The following PTPRG variants were observed in gnomAD, a reference collection of about 807,000 sequenced individuals.
PTPRG encodes the protein receptor-type tyrosine-protein phosphatase gamma.
PTPRG carries 102 observed loss-of-function variants against 165.3 expected under a neutral mutation model. The ratio of observed to expected loss-of-function variants is 0.62; its 90% CI spans 0.53 to 0.73. The LOEUF (loss-of-function observed/expected upper bound fraction) is 0.73, where lower values mean the gene tolerates loss of function less well. PTPRG is among the 30% of genes least tolerant of loss of function. The pLI, the probability that PTPRG is intolerant of heterozygous loss-of-function variation, is 0.00. For missense variants in PTPRG, 1,866 were observed against 1,861.4 expected (o/e 1.00, Z -0.05); for synonymous variants, 675 against 669.5 (o/e 1.01, Z -0.13).
rs758662228 is a variant in PTPRG, at chr3:62,201,532, C to T, written c.1355C>T (p.Thr452Ile). 6.2e-7 allele frequency: 1 copy of T among 1,610,690 alleles called. No individual in the cohort carries two copies. Among genetic ancestry groups the T allele is most frequent in the South Asian group, 1.1e-5 (1 of 90,290 alleles). Residue 452 changes from threonine (T) to isoleucine (I), a missense_variant, in exon 11 of 30, where the codon ACC (threonine) becomes ATC (isoleucine). Around this residue, in one of 3 missense-constraint regions of PTPRG, gnomAD observed 1,452 missense variants for 1,463.0 expected, o/e 0.99. Transcript: ENST00000474889. ...QANTTRIFQG[T>I]RIVKTGVPTA... ...AATACCACTCGAATATTCCAAGGGA[C>T]CAGAATAGTGAAAACAGGAGTGGTA...
chr3:61,588,699 A>C (rs770713192), intron 1 of PTPRG, among the ~76,000 whole-genome samples: 11 of 151,382 alleles, frequency 7.3e-5, no homozygotes, highest in Non-Finnish European at 1.0e-4. Context: ...GCCTGCCTTG[A>C]CCTCCCAAAG....
At chr3:62,073,835 A>C (rs1701288619) in intron 4 of PTPRG, among the ~76,000 whole-genome samples, 1 of 152,202 alleles carries the variant, frequency 6.6e-6, no homozygotes, top group African/African-American at 2.4e-5. Context: ...CTGTCAGAGT[A>C]AAGAAAGAGG....
At chr3:61,801,121 A>C (rs890280709) in intron 2 of PTPRG, among the ~76,000 whole-genome samples, 3 of 152,120 alleles carry the variant, frequency 2.0e-5, no homozygotes, top group African/African-American at 7.2e-5. Flanking sequence ...TCTGCAAAAC[A>C]GATGCACTGG....
chr3:61,950,491 A>G (rs1355686878), intron 2 of PTPRG, among the ~76,000 whole-genome samples: 1 of 152,180 alleles, frequency 6.6e-6, no homozygotes, highest in Non-Finnish European at 1.5e-5. Flanking sequence ...CAGAGGGTTA[A>G]TTGTTCTTGG....
At chr3:61,747,092 C>T (rs546736744) in intron 1 of PTPRG, among the ~76,000 whole-genome samples, 5 of 150,884 alleles carry the variant, frequency 3.3e-5, no homozygotes, top group Non-Finnish European at 7.4e-5. Flanking sequence ...TACTGCACTC[C>T]AGCCTGTTCG....
rs542195002 is a variant in PTPRG, at chr3:61,773,110, T to C, written c.190+24128T>C. Reference sequence around the variant, plus strand: ...ATGCAGGTGTCTATCTTAGGAAATATGTGTGTTATCGGCTGGTGTAGGGTA... The same window carrying C: ...ATGCAGGTGTCTATCTTAGGAAATACGTGTGTTATCGGCTGGTGTAGGGTA... On this transcript the variant is annotated intron_variant, in intron 2 of 29. Coordinates refer to ENST00000474889, the MANE Select transcript of PTPRG (RefSeq NM_002841.4). Among the ~76,000 whole-genome samples, 5 of 152,296 alleles carry C rather than the reference T, an allele frequency of 3.3e-5. No homozygotes were observed. The South Asian group carries it at 8.3e-4, about 25-fold the overall frequency.
chr3:61,649,751 T>G (rs999968731), intron 1 of PTPRG, among the ~76,000 whole-genome samples: 6 of 152,318 alleles, frequency 3.9e-5, no homozygotes, highest in African/African-American at 1.4e-4. Flanking sequence ...CATTGGCTCC[T>G]CTTAGAAATA....
At chr3:61,969,319 G>A (rs991576846) in intron 2 of PTPRG, among the ~76,000 whole-genome samples, 3 of 152,140 alleles carry the variant, frequency 2.0e-5, no homozygotes, top group African/African-American at 7.2e-5. Flanking sequence ...AAGGTCTGGG[G>A]TAGAGGGAAC....
intron 7 of PTPRG, among the ~76,000 whole-genome samples, chr3:62,165,094 C>G (rs1230822232): frequency 6.6e-6 from 1 of 152,192 alleles, no homozygotes; most frequent in African/African-American, 2.4e-5. Context: ...TTTATTTGGT[C>G]TTCTCTGGAC....
At chr3:61,625,354 G>A (rs1701579022) in intron 1 of PTPRG, among the ~76,000 whole-genome samples, 1 of 151,934 alleles carries the variant, frequency 6.6e-6, no homozygotes, top group Non-Finnish European at 1.5e-5. Context: ...ATGAAAAATT[G>A]CTTCCCTTCC....
chr3:61,726,572 C>A (rs1417410035), intron 1 of PTPRG, among the ~76,000 whole-genome samples: 1 of 152,096 alleles, frequency 6.6e-6, no homozygotes, highest in African/African-American at 2.4e-5. Flanking sequence ...ATTTTATAAT[C>A]CATTAAACAC....
At chr3:61,623,650 A>C (rs1701526114) in intron 1 of PTPRG, among the ~76,000 whole-genome samples, 1 of 152,216 alleles carries the variant, frequency 6.6e-6, no homozygotes, top group East Asian at 1.9e-4. Flanking sequence ...ATTGGGAAAG[A>C]AAATCTCTTT....
chr3:61,909,202 T>C (rs1287056565), intron 2 of PTPRG, among the ~76,000 whole-genome samples: 30 of 152,218 alleles, frequency 2.0e-4, no homozygotes, highest in Admixed American at 1.9e-3. Context: ...CTGAGAATTT[T>C]AGATTTCCTG....
At chr3:62,008,447 T>C (rs2107733119) in intron 4 of PTPRG, among the ~76,000 whole-genome samples, 1 of 152,320 alleles carries the variant, frequency 6.6e-6, no homozygotes, top group South Asian at 2.1e-4. Flanking sequence ...TCACAGCTGG[T>C]TCATTTCAGC....
In PTPRG at chr3:61,823,422, T is replaced by TC. The variant is rs146375386; in HGVS notation, c.190+74441dup. ...GCAGGATGGTCTCAATCTCCTGACC[T>TC]CGTGATCCACCGCCTCGGCCTCCCA... is the stretch of plus-strand genomic sequence containing the variant. On this transcript the variant is annotated intron_variant, in intron 2 of 29. Transcript: ENST00000474889. Among the ~76,000 whole-genome samples the TC allele has an allele frequency of 1.4e-4, 21 of 152,272 alleles. No individual in the cohort carries two copies. The East Asian group carries it at 4.1e-3, about 29-fold the overall frequency.
At chr3:61,596,596 GAT>G (rs1700706010) in intron 1 of PTPRG, among the ~76,000 whole-genome samples, 1 of 152,140 alleles carries the variant, frequency 6.6e-6, no homozygotes, top group African/African-American at 2.4e-5. Context: ...TCTCATTCCT[GAT>G]GAGGAAACTG....
intron 1 of PTPRG, among the ~76,000 whole-genome samples, chr3:61,573,202 G>C (rs939502342): frequency 1.3e-5 from 2 of 152,078 alleles, no homozygotes; most frequent in African/African-American, 4.8e-5. Context: ...TTAAGAGCTG[G>C]TTCTCTTGAT....
At chr3:61,835,446 G>A (rs2036429295) in intron 2 of PTPRG, among the ~76,000 whole-genome samples, 1 of 152,060 alleles carries the variant, frequency 6.6e-6, no homozygotes, top group African/African-American at 2.4e-5. Flanking sequence ...CGATTCTCCT[G>A]CCTCAGCCTC....
intron 1 of PTPRG, among the ~76,000 whole-genome samples, chr3:61,679,487 A>C (rs2107110120): frequency 6.6e-6 from 1 of 152,308 alleles, no homozygotes; most frequent in East Asian, 1.9e-4. Context: ...ATATCTCATT[A>C]GATTCCAGTG....
Sources: gnomAD v4.1 joint callset for allele counts (sites outside exome capture counted in the v4.1 genomes callset) on GRCh38, gnomAD v4.1.1 for gene constraint, gnomAD v4.1.1 regional missense constraint, MANE v1.5 for transcripts, NCBI Gene and HGNC (gene_info 2026-07-23, HGNC 2026-07-21) for gene names.